TDRD9: variants seen among roughly 807,000 people sequenced by gnomAD.
The protein encoded by TDRD9 is ATP-dependent RNA helicase TDRD9.
TDRD9 carries 124 observed loss-of-function variants against 172.6 expected under a neutral mutation model. The ratio of observed to expected loss-of-function variants is 0.72; its 90% CI spans 0.62 to 0.83. The LOEUF is 0.83. TDRD9 is among the 40% of genes least tolerant of loss of function. The pLI is 0.00. For missense variants in TDRD9, 1,479 were observed against 1,714.1 expected (o/e 0.86, Z 2.42); for synonymous variants, 619 against 617.1 (o/e 1.00, Z -0.05).
intron 7 of TDRD9, among the ~76,000 whole-genome samples, chr14:103,984,626 C>T (rs1216468309): frequency 6.6e-6 from 1 of 152,134 alleles, no homozygotes; most frequent in Non-Finnish European, 1.5e-5. Context: ...AAGTTTGCTG[C>T]AGGGGCGGAG....
At chr14:103,962,538 G>A (rs570676733) in intron 2 of TDRD9, among the ~76,000 whole-genome samples, 1 of 152,246 alleles carries the variant, frequency 6.6e-6, no homozygotes, top group Admixed American at 6.5e-5. Flanking sequence ...TGTTACAAGA[G>A]TATATTGGGT....
intron 2 of TDRD9, among the ~76,000 whole-genome samples, chr14:103,962,223 A>T (rs2032540964): frequency 6.6e-6 from 1 of 152,106 alleles, no homozygotes; most frequent in Non-Finnish European, 1.5e-5. Context: ...AAATTGTTTG[A>T]TTTATTTATT....
intron 32 of TDRD9, among the ~76,000 whole-genome samples, chr14:104,035,896 G>A (rs1266889482): frequency 6.6e-6 from 1 of 152,076 alleles, no homozygotes; most frequent in Non-Finnish European, 1.5e-5. Flanking sequence ...GTTCAGTCAA[G>A]GCAGGTGGAA....
rs924400727 is a variant in TDRD9 at position 103,995,027 on chromosome 14, A to G, written c.1320+424A>G. Among the ~76,000 whole-genome samples the G allele has an allele frequency of 4.6e-5, 7 of 152,082 alleles. No homozygotes were observed. In the Middle Eastern group the frequency reaches 0.01, roughly 222 times the overall value. ...TTAGTGGTTACTCACTTAAACAAAT[A>G]TTTACCTAATGAGCCAGGTATGTTG... On this transcript the variant is annotated intron_variant, in intron 11 of 35. Transcript: ENST00000409874.
chr14:104,041,953 G>T (rs2035622393), intron 33 of TDRD9, 116 bp from the exon 34 acceptor site: 1 of 704,056 alleles, frequency 1.4e-6, no homozygotes, highest in Non-Finnish European at 2.4e-6. Context: ...GCAGGCGAGT[G>T]GATAAACCAT....
intron 4 of TDRD9, 22 bp downstream of exon 4, chr14:103,965,576 G>A (rs2032704906): frequency 3.3e-6 from 5 of 1,513,642 alleles, no homozygotes; most frequent in African/African-American, 1.4e-5. Context: ...AGGGAGGGAG[G>A]GACTAAGAGA....
At chr14:103,987,278 T>G (rs1043387321) in intron 8 of TDRD9, among the ~76,000 whole-genome samples, 3 of 152,214 alleles carry the variant, frequency 2.0e-5, no homozygotes, top group Non-Finnish European at 2.9e-5. Flanking sequence ...TCATGTTGTC[T>G]TCTTCTACTT....
chr14:104,001,990 C>T (rs1000139025), intron 13 of TDRD9, among the ~76,000 whole-genome samples: 1 of 151,580 alleles, frequency 6.6e-6, no homozygotes, highest in Non-Finnish European at 1.5e-5. Context: ...TGTGTGAGAT[C>T]TGTTTTTTCC....
At chr14:103,956,146 A>ATATATGTT (rs2032227776) in intron 2 of TDRD9, among the ~76,000 whole-genome samples, 1 of 114,148 alleles carries the variant, frequency 8.8e-6, no homozygotes, top group Non-Finnish European at 1.7e-5. Flanking sequence ...ATATATATAT[A>ATATATGTT]TATAATTATT....
chr14:104,036,015 T>C (rs2035442087), intron 32 of TDRD9, among the ~76,000 whole-genome samples: 1 of 152,160 alleles, frequency 6.6e-6, no homozygotes, highest in African/African-American at 2.4e-5. Flanking sequence ...AATATTTTTT[T>C]CATTAAAATA....
rs2034450689 is a variant in TDRD9 at position 104,006,701 on chromosome 14, T to C, written c.1935T>C (p.Asp645=). 6.2e-7 allele frequency: 1 copy of C among 1,613,986 alleles called. No homozygotes were observed. Among genetic ancestry groups the C allele is most frequent in the East Asian group, 2.2e-5 (1 of 44,874 alleles). The part of the protein sequence containing the change: ...FFAMPFRQHL[D]GYRNKVNFSG... ...CAATGCCTTTCCGGCAGCATCTCGA[T>C]GGATATAGGTACTGAACATTCATAT... Residue 645 remains aspartate, a synonymous_variant, in exon 17 of 36, where the codon GAT becomes GAC. Transcript: ENST00000409874.
At position 104,052,149 on chromosome 14, in the gene TDRD9, C is replaced by G; in HGVS notation, c.*67C>G. ...GTGGAGGCTGGATTCCAGGCTCCCTCCGCAGACTGACTTTCCTCTGTGTCT... is the reference window on the plus strand; with the variant it reads ...GTGGAGGCTGGATTCCAGGCTCCCTGCGCAGACTGACTTTCCTCTGTGTCT... On this transcript the variant is annotated 3_prime_UTR_variant, in exon 36 of 36. Transcript: ENST00000409874. 8.8e-7 allele frequency: 1 copy of G among 1,134,594 alleles called. No individual in the cohort carries two copies. Among genetic ancestry groups the G allele is most frequent in the Non-Finnish European group, 1.3e-6 (1 of 776,962 alleles). The allele number at this position is 1,134,594 out of a possible 1,614,324, so 70.3% of individuals were successfully genotyped here.
intron 9 of TDRD9, 44 bp downstream of exon 9, chr14:103,991,268 G>T: frequency 6.2e-7 from 1 of 1,601,004 alleles, no homozygotes; most frequent in East Asian, 2.2e-5. Flanking sequence ...TAATACTCTG[G>T]AGAGAGGCTA....
intron 34 of TDRD9, among the ~76,000 whole-genome samples, chr14:104,043,294 T>C (rs1352295620): frequency 6.6e-6 from 1 of 150,770 alleles, no homozygotes; most frequent in African/African-American, 2.4e-5. Flanking sequence ...CAGGCTGGAG[T>C]GCGATGGCAC....
chr14:104,046,157 A>G (rs900019042), intron 34 of TDRD9, among the ~76,000 whole-genome samples: 8 of 152,128 alleles, frequency 5.3e-5, no homozygotes, highest in Admixed American at 2.6e-4. Flanking sequence ...GGGTTTCACC[A>G]TGTTGGCCAG....
chr14:103,999,877 AG>A (rs959148468), intron 13 of TDRD9, among the ~76,000 whole-genome samples: 1 of 152,326 alleles, frequency 6.6e-6, no homozygotes, highest in African/African-American at 2.4e-5. Flanking sequence ...GCACAGAAAT[AG>A]TAACTTGCTC....
At chr14:103,943,468 A>G in intron 1 of TDRD9, among the ~76,000 whole-genome samples, 1 of 150,406 alleles carries the variant, frequency 6.6e-6, no homozygotes, top group Middle Eastern at 3.5e-3. Flanking sequence ...ATATATAAAT[A>G]TACACACATA....
intron 28 of TDRD9, among the ~76,000 whole-genome samples, chr14:104,029,856 C>T (rs2035229420): frequency 6.6e-6 from 1 of 152,066 alleles, no homozygotes; most frequent in African/African-American, 2.4e-5. Flanking sequence ...CCTTCTATAC[C>T]CAATTTGCTG....
Position 103,984,633 on chromosome 14 carries a change from G to A in TDRD9, c.1012-1584G>A, listed in dbSNP as rs536446557. Among the ~76,000 whole-genome samples the A allele has an allele frequency of 5.2e-3, 791 of 152,272 alleles. 6 individuals are homozygous for A. The highest frequency in any genetic ancestry group is 0.018 in the African/African-American group (737 of 41,544). Reference sequence around the variant, plus strand: ...CAGGGTAGAAGTTTGCTGCAGGGGCGGAGCTCTCATGGAGAACCTCTGCTA... The same window carrying A: ...CAGGGTAGAAGTTTGCTGCAGGGGCAGAGCTCTCATGGAGAACCTCTGCTA... On this transcript the variant is annotated intron_variant, in intron 7 of 35. Transcript: ENST00000409874.
Sources: allele counts gnomAD v4.1 joint callset (sites outside exome capture counted in the v4.1 genomes callset), GRCh38; gene constraint gnomAD v4.1.1; transcripts MANE v1.5; gene names NCBI Gene and HGNC (gene_info 2026-07-23, HGNC 2026-07-21).